Variants in HLA-DRA observed in about 807,000 individuals in gnomAD.
The protein encoded by HLA-DRA is major histocompatibility complex, class II, DR alpha, also known as HLA class II histocompatibility antigen, DR alpha chain.
In HLA-DRA, 8 loss-of-function variants were observed where a neutral mutation model predicts 22.1. The observed-to-expected ratio is 0.36, with a 90% CI of 0.21 to 0.65. The LOEUF is 0.65. HLA-DRA is among the 30% of genes least tolerant of loss of function. The probability of loss-of-function intolerance (pLI) is 0.63; values close to 1 mark genes in which losing one functional copy is unlikely to be tolerated. For synonymous variants in HLA-DRA, 101 were observed against 117.1 expected (o/e 0.86, Z 0.89); for missense variants, 248 against 321.3 (o/e 0.77, Z 1.74).
At chr6:32,440,430 GA>G (rs9279659) in intron 1 of HLA-DRA, among the ~76,000 whole-genome samples, 21,626 of 151,838 alleles carry the variant, frequency 0.14, 2,349 homozygotes, top group East Asian at 0.31. Context: ...AGAATTAAAT[GA>G]AAAAAAAAAA....
At chr6:32,442,044 T>A (rs996976917) in intron 1 of HLA-DRA, among the ~76,000 whole-genome samples, 1 of 152,186 alleles carries the variant, frequency 6.6e-6, no homozygotes, top group Non-Finnish European at 1.5e-5. Flanking sequence ...GAGAAAGAGA[T>A]CCTCTGGAAT....
chr6:32,443,573 C>T (rs1180292427), intron 3 of HLA-DRA, 107 bp downstream of exon 3: 3 of 1,162,192 alleles, frequency 2.6e-6, no homozygotes, highest in African/African-American at 3.1e-5. Flanking sequence ...ATTAATATAA[C>T]TGTCTTCTCC....
chr6:32,442,857 G>A (rs1762704485), intron 2 of HLA-DRA, among the ~76,000 whole-genome samples, 164 bp downstream of exon 2: 2 of 152,132 alleles, frequency 1.3e-5, no homozygotes, highest in South Asian at 2.1e-4. Flanking sequence ...GAACTTTATG[G>A]GTTTGATCCT....
chr6:32,444,097 G>A (rs974552920), intron 4 of HLA-DRA, among the ~76,000 whole-genome samples, 176 bp downstream of exon 4: 1 of 152,020 alleles, frequency 6.6e-6, no homozygotes, highest in African/African-American at 2.4e-5. Context: ...AAAGCTTCAG[G>A]GTCTGTCATC....
Position 32,444,803 on chromosome 6 carries a change from T to C in HLA-DRA, c.*163T>C, listed in dbSNP as rs7197. The C allele has an allele frequency of 0.83, 127,437 of 153,204 alleles. 53,251 individuals are homozygous for C. Among genetic ancestry groups the C allele is most frequent in the East Asian group, 0.98 (5,079 of 5,180 alleles). The allele number at this position is 153,204 out of a possible 1,614,324, so 9.5% of individuals were successfully genotyped here. ...GCCACCCCAAGTGTGGATATGCCTCTTCGATTGCTCCGTACTCTAACATCT... is the reference window on the plus strand; with the variant it reads ...GCCACCCCAAGTGTGGATATGCCTCCTCGATTGCTCCGTACTCTAACATCT... On this transcript the variant is annotated 3_prime_UTR_variant, in exon 5 of 5. Transcript: ENST00000395388.
chr6:32,442,609 C>T lies in HLA-DRA; in HGVS notation c.244C>T (p.Gln82Ter). 2 of 1,613,066 alleles carry T rather than the reference C, an allele frequency of 1.2e-6. No individual in the cohort carries two copies. Among genetic ancestry groups the T allele is most frequent in the South Asian group, 1.1e-5 (1 of 91,084 alleles). Reference sequence around the variant, plus strand: ...TGGACGATTTGCCAGCTTTGAGGCTCAAGGTGCATTGGCCAACATAGCTGT... The same window carrying T: ...TGGACGATTTGCCAGCTTTGAGGCTTAAGGTGCATTGGCCAACATAGCTGT... ...EFGRFASFEA[Q>*]GALANIAVDK... Residue 82 changes from glutamine (Q) to a stop codon, truncating the protein, a stop_gained, in exon 2 of 5, where the codon CAA becomes TAA. Transcript: ENST00000395388. LOFTEE classifies it high-confidence loss of function.
chr6:32,442,067 G>A (rs16822610), intron 1 of HLA-DRA, among the ~76,000 whole-genome samples: 3,226 of 152,250 alleles, frequency 0.021, 93 homozygotes, highest in East Asian at 0.075. Flanking sequence ...TGGCCTAAGT[G>A]TATTTAATGC....
Position 32,443,295 on chromosome 6 carries a change from C to T in HLA-DRA, c.439C>T (p.Leu147Phe), listed in dbSNP as rs1334539768. ...FTPPVVNVTW[L>F]RNGKPVTTGV... ...CCCACCAGTGGTCAATGTCACGTGG[C>T]TTCGAAATGGAAAACCTGTCACCAC... The change falls in exon 3 of 5, where the codon CTT (leucine) becomes TTT (phenylalanine). Residue 147 changes from leucine (L) to phenylalanine (F), a missense_variant. Transcript: ENST00000395388. 8.1e-6 allele frequency: 13 copies of T among 1,612,924 alleles called. No individual in the cohort carries two copies. Among genetic ancestry groups the T allele is most frequent in the Non-Finnish European group, 1.0e-5 (12 of 1,180,018 alleles).
intron 2 of HLA-DRA, among the ~76,000 whole-genome samples, chr6:32,442,975 CCTCAATA>C (rs1361397890): frequency 3.3e-5 from 5 of 152,122 alleles, no homozygotes; most frequent in African/African-American, 1.2e-4. Context: ...ATATCTTATA[CCTCAATA>C]TTGGCTCAAT....
At chr6:32,444,468 G>T (rs1762808039) in intron 4 of HLA-DRA, among the ~76,000 whole-genome samples, 184 bp from the exon 5 acceptor site, 1 of 145,204 alleles carries the variant, frequency 6.9e-6, no homozygotes, top group Non-Finnish European at 1.5e-5. Context: ...AAAAGGTAAA[G>T]CATGGTTGCT....
Position 32,443,768 on chromosome 6 carries a change from C to T in HLA-DRA, c.623C>T (p.Pro208Leu). The T allele has an allele frequency of 6.3e-7, 1 of 1,596,696 alleles. No individual in the cohort carries two copies. The highest frequency in any genetic ancestry group is 8.5e-7 in the Non-Finnish European group (1 of 1,173,298). ...TATTTCCCCCCAGAGTTTGATGCTC[C>T]AAGCCCTCTCCCAGAGACTACAGAG... ...PLLKHWEFDA[P>L]SPLPETTENV... Residue 208 changes from proline to leucine, a missense_variant, in exon 4 of 5, where the codon CCA (proline) becomes CTA (leucine). Transcript: ENST00000395388.
chr6:32,443,730 A>G (rs1465260211), intron 3 of HLA-DRA, 26 bp from the exon 4 acceptor site: 1 of 1,548,152 alleles, frequency 6.5e-7, no homozygotes, highest in South Asian at 1.3e-5. Context: ...ACTCATTACC[A>G]TGTACTCTGC....
chr6:32,440,914 C>G (rs1294494957), intron 1 of HLA-DRA, among the ~76,000 whole-genome samples: 1 of 152,062 alleles, frequency 6.6e-6, no homozygotes, highest in Non-Finnish European at 1.5e-5. Context: ...TTCTATTGCC[C>G]CAAAAGAGCC....
chr6:32,440,648 C>A (rs1762560226), intron 1 of HLA-DRA, among the ~76,000 whole-genome samples: 1 of 152,196 alleles, frequency 6.6e-6, no homozygotes, highest in African/African-American at 2.4e-5. Flanking sequence ...CATTCCCTGC[C>A]TTCCCATCTC....
rs367604927 is a variant in HLA-DRA, at chr6:32,439,940, C to T, written c.-11C>T. 1.2e-6 allele frequency: 2 copies of T among 1,613,314 alleles called. No homozygotes were observed. Among genetic ancestry groups the T allele is most frequent in the South Asian group, 1.1e-5 (1 of 91,062 alleles). Reference sequence around the variant, plus strand: ...GCTCTACTGACTCCCAACAGAGCGCCCAAGAAGAAAATGGCCATAAGTGGA... The same window carrying T: ...GCTCTACTGACTCCCAACAGAGCGCTCAAGAAGAAAATGGCCATAAGTGGA... On this transcript the variant is annotated 5_prime_UTR_variant, in exon 1 of 5. Transcript: ENST00000395388.
At position 32,442,304 on chromosome 6, in the gene HLA-DRA, CACTCATCCCT is replaced by C. The variant is rs1762667520; in HGVS notation, c.83-139_83-130del. 13 of 961,248 alleles carry C rather than the reference CACTCATCCCT, an allele frequency of 1.4e-5. No individual in the cohort carries two copies. The East Asian group carries it at 2.6e-4, about 20-fold the overall frequency. 59.5% of individuals were successfully genotyped at this position (961,248 alleles called of 1,614,324 possible). On this transcript the variant is annotated intron_variant, in intron 1 of 4. Transcript: ENST00000395388. ...GCCCTTCACCCAGACCTTGTCTTGT[CACTCATCCCT>C]ACTCGCCATCATTCTTTCATTCCTC...
intron 2 of HLA-DRA, 48 bp downstream of exon 2, chr6:32,442,741 A>C: frequency 6.2e-7 from 1 of 1,602,888 alleles, no homozygotes; most frequent in Non-Finnish European, 8.5e-7. Context: ...CCATAGTTTG[A>C]AAGTAGTTGC....
At chr6:32,443,580 C>T in intron 3 of HLA-DRA, 114 bp downstream of exon 3, 1 of 1,153,554 alleles carries the variant, frequency 8.7e-7, no homozygotes, top group Non-Finnish European at 1.2e-6. Flanking sequence ...TAACTGTCTT[C>T]TCCTACTATC....
chr6:32,442,417 C>G, intron 1 of HLA-DRA, 31 bp from the exon 2 acceptor site: 1 of 1,612,178 alleles, frequency 6.2e-7, no homozygotes, highest in Non-Finnish European at 8.5e-7. Context: ...TCCCCCCACC[C>G]AACTCTCTTT....
Sources: allele counts gnomAD v4.1 joint callset (sites outside exome capture counted in the v4.1 genomes callset), GRCh38; gene constraint gnomAD v4.1.1; transcripts MANE v1.5; gene names NCBI Gene and HGNC (gene_info 2026-07-23, HGNC 2026-07-21).